Variants in ABR observed in about 807,000 individuals in gnomAD.
ABR encodes active breakpoint cluster region-related protein.
Under a neutral mutation model 107.2 loss-of-function variants are expected in ABR, and 35 were observed. The ratio of observed to expected loss-of-function variants is 0.33; its 90% CI spans 0.25 to 0.43. The LOEUF (loss-of-function observed/expected upper bound fraction) is 0.43, where lower values mean the gene tolerates loss of function less well. Among genes scored for constraint, ABR ranks in the 20% least tolerant of loss-of-function variants. ABR has a pLI of 1.00. For synonymous variants in ABR, 498 were observed against 462.0 expected (o/e 1.08, Z -1.00); for missense variants, 815 against 1,115.2 (o/e 0.73, Z 3.83).
intron 6 of ABR, among the ~76,000 whole-genome samples, chr17:1,077,443 C>T (rs992573522): frequency 5.3e-5 from 8 of 152,302 alleles, no homozygotes; most frequent in South Asian, 2.1e-4. Context: ...CAAGACCTGA[C>T]CAACTCCTAG....
chr17:1,194,748 G>A (rs2042516818), intron 1 of ABR, among the ~76,000 whole-genome samples: 1 of 124,004 alleles, frequency 8.1e-6, no homozygotes, highest in East Asian at 3.8e-4. Context: ...CCACCTCCCG[G>A]GTTCAAGCAA....
At chr17:1,104,714 C>T (rs1028104277) in intron 2 of ABR, among the ~76,000 whole-genome samples, 6 of 152,250 alleles carry the variant, frequency 3.9e-5, no homozygotes, top group African/African-American at 7.2e-5. Flanking sequence ...CCTCTCCCAG[C>T]GCTAGGCGCT....
intron 1 of ABR, among the ~76,000 whole-genome samples, chr17:1,221,342 C>T (rs1370866665): frequency 1.3e-5 from 2 of 152,220 alleles, no homozygotes; most frequent in East Asian, 3.8e-4. Context: ...TTACGCTCCT[C>T]TTCCCATTCT....
At chr17:1,209,605 T>G (rs533427404) in intron 1 of ABR, among the ~76,000 whole-genome samples, 54 of 152,030 alleles carry the variant, frequency 3.6e-4, no homozygotes, top group Admixed American at 1.8e-3. Context: ...AGATAGAGTT[T>G]ATGGTAGCCC....
At chr17:1,134,007 G>A (rs997889559) in intron 1 of ABR, among the ~76,000 whole-genome samples, 2 of 152,210 alleles carry the variant, frequency 1.3e-5, no homozygotes, top group African/African-American at 4.8e-5. Flanking sequence ...GAGGCCGGGC[G>A]CGTGGCTCAT....
chr17:1,169,125 G>A (rs994946790), intron 1 of ABR, among the ~76,000 whole-genome samples: 6 of 152,202 alleles, frequency 3.9e-5, no homozygotes, highest in African/African-American at 7.2e-5. Context: ...GAGGGAGGAC[G>A]TGGGTTTTGT....
intron 16 of ABR, among the ~76,000 whole-genome samples, chr17:1,047,303 A>G (rs560691772): frequency 7.9e-5 from 12 of 152,362 alleles, no homozygotes; most frequent in Admixed American, 7.8e-4. Flanking sequence ...GTGTGGCCGG[A>G]GTGAAGGCAG....
intron 1 of ABR, among the ~76,000 whole-genome samples, chr17:1,171,973 C>T (rs1353478926): frequency 2.6e-5 from 4 of 152,166 alleles, no homozygotes; most frequent in African/African-American, 7.2e-5. Context: ...ATTAATCAAT[C>T]AGGTCACCAC....
chr17:1,045,238 C>T (rs912773748), intron 16 of ABR, among the ~76,000 whole-genome samples: 1 of 152,258 alleles, frequency 6.6e-6, no homozygotes, highest in Admixed American at 6.5e-5. Context: ...GCTTCCAAAT[C>T]GCTCTCGTTC....
In ABR at chr17:1,071,259, T is replaced by C. The variant is rs1266197572; in HGVS notation, c.895-1169A>G. 6.6e-6 allele frequency among the ~76,000 whole-genome samples: 1 copy of C among 152,150 alleles called. No homozygotes were observed. Among genetic ancestry groups the C allele is most frequent in the Non-Finnish European group, 1.5e-5 (1 of 68,018 alleles). ...AACAGACGACGGGATCCCCAGACGCTGCACATCAGCACCAGGAGCCGCACG... is the reference window on the plus strand; with the variant it reads ...AACAGACGACGGGATCCCCAGACGCCGCACATCAGCACCAGGAGCCGCACG... On this transcript the variant is annotated intron_variant, in intron 8 of 22. Transcript: ENST00000302538. This position sits in a 1 kb window ranked among gnomAD's most constrained non-coding sequence, Gnocchi z 5.1.
At chr17:1,166,011 C>T (rs1171486539) in intron 1 of ABR, among the ~76,000 whole-genome samples, 5 of 150,032 alleles carry the variant, frequency 3.3e-5, no homozygotes, top group Non-Finnish European at 5.9e-5. Context: ...CTCCCCAGCG[C>T]GGTCCCCACC....
intron 1 of ABR, among the ~76,000 whole-genome samples, chr17:1,161,746 G>A (rs1200420138): frequency 6.6e-6 from 1 of 151,928 alleles, no homozygotes; most frequent in Non-Finnish European, 1.5e-5. Flanking sequence ...GTAGAGACAG[G>A]GTTTCACCAT....
Position 1,214,833 on chromosome 17 carries a change from T to C in ABR, c.838+13960A>G, listed in dbSNP as rs16943416. ...AAAAATATATATATTTGATTGTACA[T>C]AGTTTTTCCCTGTAATGTGGCAGCT... is the stretch of plus-strand genomic sequence containing the variant. On this transcript the variant is annotated intron_variant, in intron 1 of 22. Transcript: ENST00000574139. 8.9e-3 allele frequency among the ~76,000 whole-genome samples: 1,354 copies of C among 151,768 alleles called. 69 individuals carry two copies. In the South Asian group the frequency reaches 0.11, roughly 12 times the overall value.
intron 2 of ABR, among the ~76,000 whole-genome samples, chr17:1,121,012 C>A (rs1304873962): frequency 1.3e-5 from 2 of 152,234 alleles, no homozygotes; most frequent in African/African-American, 4.8e-5. Context: ...GAGATGAGTC[C>A]TGGCCCTTTC....
upstream of ABR, among the ~76,000 whole-genome samples, chr17:1,182,568 T>G (rs374719435): frequency 2.9e-4 from 44 of 152,162 alleles, no homozygotes; most frequent in African/African-American, 7.7e-4. Context: ...GGGTTTCACC[T>G]TGTTAGCCAG....
At position 1,005,967 on chromosome 17, in the gene ABR, C is replaced by T. The variant is rs749888317; in HGVS notation, c.*113G>A. ...CCAGTTCTTGGAAGCTGGCTTCCCT[C>T]GAGTCTGGAGTGCTGGGTTTGGGAG... On this transcript the variant is annotated 3_prime_UTR_variant, in exon 23 of 23. Transcript: ENST00000302538. 6.0e-6 allele frequency: 6 copies of T among 996,730 alleles called. No homozygotes were observed. The highest frequency in any genetic ancestry group is 1.4e-5 in the South Asian group (1 of 69,596). The allele number at this position is 996,730 out of a possible 1,614,324, so 61.7% of individuals were successfully genotyped here. A position where few individuals can be genotyped will look rare whatever the true frequency, so the allele number is the denominator to read the frequency against.
At chr17:1,069,067 A>G (rs1056046384) in intron 9 of ABR, among the ~76,000 whole-genome samples, 1 of 152,226 alleles carries the variant, frequency 6.6e-6, no homozygotes, top group African/African-American at 2.4e-5. Context: ...TACGGGTAAC[A>G]TCGTGCAGGA....
intron 1 of ABR, among the ~76,000 whole-genome samples, chr17:1,205,050 C>G (rs1361359275): frequency 6.6e-6 from 1 of 151,826 alleles, no homozygotes; most frequent in Non-Finnish European, 1.5e-5. Context: ...ATAACGGGTG[C>G]ACCACCACGC....
Position 1,146,260 on chromosome 17 carries a change from G to GACACACACACACAC in ABR, c.62-20907_62-20894dup, listed in dbSNP as rs60058475. Among the ~76,000 whole-genome samples the GACACACACACACAC allele has an allele frequency of 2.9e-3, 403 of 140,202 alleles. 4 individuals are homozygous for GACACACACACACAC. Among genetic ancestry groups the GACACACACACACAC allele is most frequent in the Middle Eastern group, 7.0e-3 (2 of 286 alleles). 92.0% of individuals were successfully genotyped at this position (140,202 alleles called of 152,430 possible). On this transcript the variant is annotated intron_variant, in intron 1 of 22. Coordinates refer to ENST00000302538, the MANE Select transcript of ABR (RefSeq NM_021962.5). ...GTTTCTATCCACGCAGGCACATGGA[G>GACACACACACACAC]ACACACACACACACACACACACACA...
Sources: allele counts gnomAD v4.1 joint callset (sites outside exome capture counted in the v4.1 genomes callset), GRCh38; gene constraint gnomAD v4.1.1; non-coding constraint Gnocchi (gnomAD v3.1); transcripts MANE v1.5; gene names NCBI Gene and HGNC (gene_info 2026-07-23, HGNC 2026-07-21).